Variants in DMXL1 observed in about 807,000 individuals in gnomAD.
DMXL1 encodes the protein dmX-like protein 1.
In DMXL1, 99 loss-of-function variants were observed where a neutral mutation model predicts 319.2. The observed-to-expected ratio is 0.31, with a 90% CI of 0.26 to 0.37. DMXL1 has a LOEUF of 0.37. Among genes scored for constraint, DMXL1 ranks in the 10% least tolerant of loss-of-function variants. The probability of loss-of-function intolerance (pLI) is 1.00; values close to 1 mark genes in which losing one functional copy is unlikely to be tolerated. For missense variants in DMXL1, 3,745 were observed against 3,595.6 expected (o/e 1.04, Z -1.06); for synonymous variants, 1,385 against 1,235.2 (o/e 1.12, Z -2.54).
At chr5:119,083,475 C>G (rs1319593607) in intron 1 of DMXL1, among the ~76,000 whole-genome samples, 1 of 152,136 alleles carries the variant, frequency 6.6e-6, no homozygotes, top group East Asian at 1.9e-4. Context: ...TTTTGATGTA[C>G]TGAATTTCAT....
intron 7 of DMXL1, among the ~76,000 whole-genome samples, chr5:119,116,934 A>G (rs1241128617): frequency 6.6e-6 from 1 of 152,130 alleles, no homozygotes; most frequent in Non-Finnish European, 1.5e-5. Flanking sequence ...TAGTTCTGGA[A>G]AGAGTTAATG....
chr5:119,081,172 C>G (rs1179790523), intron 1 of DMXL1, among the ~76,000 whole-genome samples: 2 of 152,200 alleles, frequency 1.3e-5, no homozygotes, highest in Non-Finnish European at 2.9e-5. Context: ...GTCAGAAGAG[C>G]TCCAAGGACT....
At chr5:119,092,684 C>G (rs1580652065) in intron 1 of DMXL1, among the ~76,000 whole-genome samples, 1 of 152,286 alleles carries the variant, frequency 6.6e-6, no homozygotes, top group South Asian at 2.1e-4. Context: ...CAGCTGCTAT[C>G]TTACAGCCAC....
chr5:119,123,879 T>C (rs534077308), intron 9 of DMXL1, among the ~76,000 whole-genome samples: 1 of 86,110 alleles, frequency 1.2e-5, no homozygotes, highest in African/African-American at 4.5e-5. Context: ...CTTTACAGTT[T>C]AGCAGACACC....
chr5:119,237,361 C>G lies in DMXL1; in HGVS notation c.8506C>G (p.Gln2836Glu), dbSNP rs1370153240. 1 of 1,602,878 alleles carries G rather than the reference C, an allele frequency of 6.2e-7. No individual in the cohort carries two copies. The highest frequency in any genetic ancestry group is 1.3e-5 in the African/African-American group (1 of 74,842). ...TGCTGATGGATATTTAAGTTTGTAT[C>G]AAACAAACTGGAAATGTTGTCCAGT... ...VDADGYLSLYQTNWKCCPVTG... is the reference protein window; with the variant it reads ...VDADGYLSLYETNWKCCPVTG... The change falls in exon 40 of 44, where the codon CAA becomes GAA. Residue 2836 changes from glutamine to glutamate, a missense_variant. Coordinates refer to ENST00000539542, the MANE Select transcript of DMXL1 (RefSeq NM_001290321.3).
At chr5:119,226,055 G>A (rs184591952) in intron 38 of DMXL1, among the ~76,000 whole-genome samples, 117 of 152,212 alleles carry the variant, frequency 7.7e-4, no homozygotes, top group African/African-American at 2.6e-3. Flanking sequence ...TGTCCTGGCA[G>A]GTGTAAATAT....
intron 4 of DMXL1, among the ~76,000 whole-genome samples, chr5:119,107,983 A>C (rs889229769): frequency 2.6e-5 from 4 of 152,224 alleles, no homozygotes; most frequent in African/African-American, 9.6e-5. Context: ...TCAAATTCAC[A>C]TGGCTAATTA....
In DMXL1 at chr5:119,208,674, C is replaced by G. The variant is rs75828257; in HGVS notation, c.7926+1778C>G. Among the ~76,000 whole-genome samples the G allele has an allele frequency of 6.4e-3, 976 of 152,076 alleles. 46 individuals carry two copies. The East Asian group carries it at 0.11, about 18-fold the overall frequency. On this transcript the variant is annotated intron_variant, in intron 34 of 43. Coordinates refer to ENST00000539542, the MANE Select transcript of DMXL1 (RefSeq NM_001290321.3). The stretch of plus-strand genomic sequence containing the variant: ...ATTTTGGCCAGCATTTTTCCAAGCC[C>G]ACTGCTATATAGTTTAAAAAAAAAA...
chr5:119,072,597 C>G (rs1459928522), intron 1 of DMXL1, among the ~76,000 whole-genome samples: 1 of 152,040 alleles, frequency 6.6e-6, no homozygotes, highest in East Asian at 1.9e-4. Context: ...ACAACGTAAC[C>G]AATGCCCCAG....
chr5:119,076,662 C>T (rs906090442), intron 1 of DMXL1, among the ~76,000 whole-genome samples: 3 of 152,064 alleles, frequency 2.0e-5, no homozygotes, highest in African/African-American at 7.2e-5. Flanking sequence ...TTGCTGCATG[C>T]CAAACTTAAA....
chr5:119,083,368 T>C (rs1054811003), intron 1 of DMXL1, among the ~76,000 whole-genome samples: 3 of 152,160 alleles, frequency 2.0e-5, no homozygotes, highest in African/African-American at 4.8e-5. Context: ...TGTGTACATA[T>C]ACTACATTTT....
intron 25 of DMXL1, among the ~76,000 whole-genome samples, chr5:119,173,280 C>T (rs553210705): frequency 3.3e-5 from 5 of 150,234 alleles, no homozygotes; most frequent in East Asian, 3.9e-4. Flanking sequence ...GCAGAGGTTG[C>T]GGTGAGCCAA....
intron 19 of DMXL1, among the ~76,000 whole-genome samples, chr5:119,161,821 C>T (rs1445801546): frequency 6.6e-6 from 1 of 152,188 alleles, no homozygotes; most frequent in Non-Finnish European, 1.5e-5. Context: ...TACCATGCTT[C>T]TGGAAGCAAC....
chr5:119,109,455 T>C (rs1052923853), intron 4 of DMXL1, among the ~76,000 whole-genome samples: 1 of 152,172 alleles, frequency 6.6e-6, no homozygotes, highest in Admixed American at 6.5e-5. Flanking sequence ...GAAAATCTTT[T>C]ACTCCCAACT....
intron 3 of DMXL1, chr5:119,104,143 G>A (rs986993199): frequency 1.3e-5 from 2 of 152,130 alleles, no homozygotes; most frequent in African/African-American, 2.4e-5. Context: ...TTGTGAGGTG[G>A]TGGTCTTCAT....
At chr5:119,243,757 A>G (rs1472116322) in intron 42 of DMXL1, among the ~76,000 whole-genome samples, 2 of 150,978 alleles carry the variant, frequency 1.3e-5, no homozygotes, top group Non-Finnish European at 3.0e-5. Flanking sequence ...TTACCTACTA[A>G]TTCTGTCATC....
chr5:119,122,586 C>T (rs1408224684), intron 9 of DMXL1, among the ~76,000 whole-genome samples: 13 of 148,402 alleles, frequency 8.8e-5, no homozygotes, highest in South Asian at 2.1e-4. Context: ...ACTTCTCTGA[C>T]GGGTCGGTTG....
chr5:119,196,510 C>G, intron 31 of DMXL1, 54 bp downstream of exon 31: 3 of 911,162 alleles, frequency 3.3e-6, no homozygotes, highest in Non-Finnish European at 4.9e-6. Context: ...ACTTACTACT[C>G]TGTTGTTTTT....
At position 119,131,154 on chromosome 5, in the gene DMXL1, G is replaced by GT. The variant is rs5870840; in HGVS notation, c.1315+1744dup. Among the ~76,000 whole-genome samples, 228 of 142,966 alleles carry GT rather than the reference G, an allele frequency of 1.6e-3. 1 individual carries two copies. Among genetic ancestry groups the GT allele is most frequent in the African/African-American group, 1.7e-3 (65 of 38,994 alleles). 93.8% of individuals were successfully genotyped at this position (142,966 alleles called of 152,430 possible). ...TACCCTTTATCTAATTTCCTGCTGAGTTTTTTTTTTTTTCTTATTGATTTG... is the reference window on the plus strand; with the variant it reads ...TACCCTTTATCTAATTTCCTGCTGAGTTTTTTTTTTTTTTCTTATTGATTTG... On this transcript the variant is annotated intron_variant, in intron 10 of 43. Coordinates refer to ENST00000539542, the MANE Select transcript of DMXL1 (RefSeq NM_001290321.3).
Sources: gnomAD v4.1 joint callset for allele counts (sites outside exome capture counted in the v4.1 genomes callset) on GRCh38, gnomAD v4.1.1 for gene constraint, MANE v1.5 for transcripts, NCBI Gene and HGNC (gene_info 2026-07-23, HGNC 2026-07-21) for gene names.